The following LIAS variants were observed in gnomAD, a reference collection of about 807,000 sequenced individuals.
LIAS encodes lipoic acid synthetase.
A neutral mutation model predicts 49.4 loss-of-function variants in LIAS; 36 were observed. That is an observed-to-expected ratio of 0.73 (90% CI 0.56 to 0.96). The LOEUF is 0.96. Among genes scored for constraint, LIAS ranks in the 40% least tolerant of loss-of-function variants. LIAS has a pLI of 0.00. For missense variants in LIAS, 399 were observed against 456.3 expected, an observed-to-expected ratio of 0.87 and a Z score of 1.14; for synonymous variants, 145 against 155.8, an observed-to-expected ratio of 0.93 and a Z score of 0.52.
At position 39,467,621 on chromosome 4, in the gene LIAS, G is replaced by A. The variant is rs747481841; in HGVS notation, c.712G>A (p.Val238Ile). 6.3e-7 allele frequency: 1 copy of A among 1,589,026 alleles called. No homozygotes were observed. The highest frequency in any genetic ancestry group is 8.6e-7 in the Non-Finnish European group (1 of 1,167,034). Residue 238 changes from valine to isoleucine, a missense_variant, in exon 7 of 11, where the codon GTA becomes ATA. Physicochemically the swap from Val to Ile is conservative, Grantham distance 29. This residue lies in a region of LIAS where 234 missense variants were observed against 292.2 expected (regional missense o/e 0.80). Transcript: ENST00000640888. The part of the protein sequence containing the change: ...LSGLDVYAHN[V>I]ETVPELQSKV... ...AGGATTAGATGTGTATGCACATAATGTAGAAACAGTCCCGGAATTACAGAG... is the reference window on the plus strand; with the variant it reads ...AGGATTAGATGTGTATGCACATAATATAGAAACAGTCCCGGAATTACAGAG...
At position 39,469,950 on chromosome 4, in the gene LIAS, G is replaced by A. The variant is rs1450917047; in HGVS notation, c.738-69G>A. Reference sequence around the variant, plus strand: ...AGAATGTACTTCTCTGGTCTTTCAGGTTGCTTGCATAACTATGTACTTGGT... The same window carrying A: ...AGAATGTACTTCTCTGGTCTTTCAGATTGCTTGCATAACTATGTACTTGGT... On this transcript the variant is annotated intron_variant, in intron 7 of 10. Transcript: ENST00000640888. The A allele has an allele frequency of 3.5e-6, 5 of 1,427,704 alleles. 1 individual carries two copies. Among genetic ancestry groups the A allele is most frequent in the South Asian group, 2.5e-5 (2 of 78,988 alleles). The allele number at this position is 1,427,704 out of a possible 1,614,324, so 88.4% of individuals were successfully genotyped here. A position where few individuals can be genotyped will look rare whatever the true frequency, so the allele number is the denominator to read the frequency against.
At chr4:39,460,706 C>T in intron 1 of LIAS, 84 bp from the exon 2 acceptor site, 18 of 1,151,942 alleles carry the variant, frequency 1.6e-5, no homozygotes, top group South Asian at 1.1e-4. Flanking sequence ...TTGGCTTTAC[C>T]CTTCCGTTTA....
At chr4:39,467,353 TA>T (rs1560669309) in intron 6 of LIAS, 164 bp from the exon 7 acceptor site, 3 of 493,742 alleles carry the variant, frequency 6.1e-6, no homozygotes, top group Non-Finnish European at 3.3e-6. Flanking sequence ...TTTTTTTTTT[TA>T]ATAATGGTTC....
chr4:39,459,853 G>C (rs1452196672), intron 1 of LIAS, among the ~76,000 whole-genome samples: 2 of 151,752 alleles, frequency 1.3e-5, no homozygotes, highest in East Asian at 3.9e-4. Context: ...CCAGCTACTC[G>C]CCAGGCTGAG....
At chr4:39,471,800 T>G (rs535879346) in intron 9 of LIAS, among the ~76,000 whole-genome samples, 28 of 152,106 alleles carry the variant, frequency 1.8e-4, no homozygotes, top group African/African-American at 5.1e-4. Flanking sequence ...AGCGCTAGGA[T>G]TACAGGCGTG....
Position 39,476,665 on chromosome 4 carries a change from T to C in LIAS, c.1067-398T>C, listed in dbSNP as rs77940448. On this transcript the variant is annotated intron_variant, in intron 10 of 10. Coordinates refer to ENST00000640888, the MANE Select transcript of LIAS (RefSeq NM_006859.4). ...CTCAGCTGCAACGAGATCTGTTTTA[T>C]AAACATCAGATCCAGCCTAATAATG... 1.0e-2 allele frequency: 1,605 copies of C among 161,206 alleles called. 27 individuals are homozygous for C. The highest frequency in any genetic ancestry group is 0.037 in the African/African-American group (1,524 of 41,664). 10.0% of individuals were successfully genotyped at this position (161,206 alleles called of 1,614,324 possible).
At position 39,459,075 on chromosome 4, in the gene LIAS, A is replaced by G. The variant is rs1440594435; in HGVS notation, c.-43A>G. The G allele has an allele frequency of 1.9e-6, 3 of 1,611,122 alleles. No homozygotes were observed. In the East Asian group the frequency reaches 6.7e-5, roughly 36 times the overall value. On this transcript the variant is annotated 5_prime_UTR_variant, in exon 1 of 11. Coordinates refer to ENST00000640888, the MANE Select transcript of LIAS (RefSeq NM_006859.4). ...TTCGACCTGTCCTTTCCCGGGAGTTAGCGATCCCTCAACCCCTGCACTGCG... is the reference window on the plus strand; with the variant it reads ...TTCGACCTGTCCTTTCCCGGGAGTTGGCGATCCCTCAACCCCTGCACTGCG...
At chr4:39,471,994 T>C (rs1745007233) in intron 9 of LIAS, among the ~76,000 whole-genome samples, 1 of 151,912 alleles carries the variant, frequency 6.6e-6, no homozygotes, top group Admixed American at 6.6e-5. Context: ...CAAAAAAACA[T>C]AACTACTAAT....
At chr4:39,475,246 TG>T (rs1269459219) in intron 10 of LIAS, 1 of 151,788 alleles carries the variant, frequency 6.6e-6, no homozygotes, top group African/African-American at 2.4e-5. Context: ...CCGGGCATGG[TG>T]GTGTGTGCCT....
intron 3 of LIAS, among the ~76,000 whole-genome samples, chr4:39,463,284 A>G (rs555841071): frequency 7.2e-5 from 11 of 152,144 alleles, no homozygotes; most frequent in Admixed American, 5.9e-4. Flanking sequence ...GGATTTCACT[A>G]TGTTGCCCAG....
intron 7 of LIAS, chr4:39,469,133 A>G (rs987089805): frequency 2.6e-5 from 4 of 152,194 alleles, no homozygotes; most frequent in Admixed American, 1.3e-4. Flanking sequence ...GCTTCTACAT[A>G]TGATCTGTGT....
chr4:39,476,626 A>G (rs1745201467), intron 10 of LIAS: 1 of 154,720 alleles, frequency 6.5e-6, no homozygotes, highest in Non-Finnish European at 1.4e-5. Flanking sequence ...AAGAGATTCC[A>G]TCAGATGCGT....
chr4:39,459,611 G>C (rs989127145), intron 1 of LIAS, among the ~76,000 whole-genome samples: 3 of 152,194 alleles, frequency 2.0e-5, no homozygotes, highest in Admixed American at 2.0e-4. Flanking sequence ...AGGTTCTTTT[G>C]AGATACATGT....
chr4:39,461,915 G>A (rs1353748107), intron 2 of LIAS, among the ~76,000 whole-genome samples: 2 of 152,002 alleles, frequency 1.3e-5, no homozygotes, highest in Admixed American at 6.6e-5. Context: ...AACTAGTCTC[G>A]AACTCCTGAC....
chr4:39,461,382 A>G (rs1247202363), intron 2 of LIAS, among the ~76,000 whole-genome samples: 1 of 152,248 alleles, frequency 6.6e-6, no homozygotes, highest in Non-Finnish European at 1.5e-5. Flanking sequence ...GTTGAAAGAT[A>G]ACTTAATCCT....
intron 10 of LIAS, chr4:39,476,374 CAT>C (rs1390275811): frequency 2.6e-5 from 4 of 152,250 alleles, no homozygotes; most frequent in African/African-American, 7.2e-5. Flanking sequence ...CAGTTCTACT[CAT>C]ATGTAAGATG....
chr4:39,469,942 T>A (rs1213177696), intron 7 of LIAS, 77 bp from the exon 8 acceptor site: 4 of 1,323,770 alleles, frequency 3.0e-6, no homozygotes, highest in Non-Finnish European at 4.2e-6. Context: ...ACTTCTCTGG[T>A]CTTTCAGGTT....
Position 39,463,515 on chromosome 4 carries a change from T to C in LIAS, c.313-10T>C. On this transcript the variant is annotated splice_polypyrimidine_tract_variant and intron_variant, in intron 3 of 10. Coordinates refer to ENST00000640888, the MANE Select transcript of LIAS (RefSeq NM_006859.4). Reference sequence around the variant, plus strand: ...CAACCTAATGGTGTTCCATTTCCTTTTGCATACAGGTATGTGAGGAAGCTC... The same window carrying C: ...CAACCTAATGGTGTTCCATTTCCTTCTGCATACAGGTATGTGAGGAAGCTC... 1 of 1,586,866 alleles carries C rather than the reference T, an allele frequency of 6.3e-7. No individual in the cohort carries two copies. The highest frequency in any genetic ancestry group is 8.6e-7 in the Non-Finnish European group (1 of 1,163,726).
At chr4:39,467,976 A>G (rs1744822792) in intron 7 of LIAS, 1 of 151,980 alleles carries the variant, frequency 6.6e-6, no homozygotes, top group African/African-American at 2.4e-5. Flanking sequence ...TACAAACATT[A>G]AGATGTTAGT....
Sources: gnomAD v4.1 joint callset for allele counts (sites outside exome capture counted in the v4.1 genomes callset) on GRCh38, gnomAD v4.1.1 for gene constraint, gnomAD v4.1.1 regional missense constraint, MANE v1.5 for transcripts, NCBI Gene and HGNC (gene_info 2026-07-23, HGNC 2026-07-21) for gene names.